AP3B1: variants seen among roughly 807,000 people sequenced by gnomAD.
AP3B1 encodes AP-3 complex subunit beta-1.
AP3B1 carries 61 observed loss-of-function variants against 132.5 expected under a neutral mutation model. The observed-to-expected ratio is 0.46, with a 90% CI of 0.37 to 0.57. The LOEUF is 0.57. Ranked by LOEUF, AP3B1 falls within the 20% of genes least tolerant of loss-of-function variation. AP3B1 has a pLI of 0.00. For missense variants in AP3B1, 1,120 were observed against 1,289.4 expected (o/e 0.87, Z 2.01); for synonymous variants, 388 against 438.3 (o/e 0.89, Z 1.43).
In AP3B1 at chr5:78,063,890, T is replaced by C. The variant is rs140244937; in HGVS notation, c.2578-24616A>G. On this transcript the variant is annotated intron_variant, in intron 22 of 26. Transcript: ENST00000255194. ...AATTTTTTTTAAAAATGATAAAATA[T>C]GTAAACATAATAAAGTTGAAAATGA... Among the ~76,000 whole-genome samples the C allele has an allele frequency of 4.6e-5, 7 of 152,166 alleles. No homozygotes were observed. In the East Asian group the frequency reaches 1.2e-3, roughly 25 times the overall value.
chr5:78,250,378 C>T (rs549134732), intron 2 of AP3B1, among the ~76,000 whole-genome samples: 11 of 152,250 alleles, frequency 7.2e-5, no homozygotes, highest in African/African-American at 2.6e-4. Context: ...GGGAAGAGTG[C>T]TCTCAGGCTC....
chr5:78,122,355 G>C (rs191386974), intron 17 of AP3B1, among the ~76,000 whole-genome samples: 1 of 152,324 alleles, frequency 6.6e-6, no homozygotes, highest in East Asian at 1.9e-4. Context: ...AGGGCAGTTA[G>C]GCAGGAGAAG....
At chr5:78,038,988 G>T in intron 23 of AP3B1, 55 bp downstream of exon 23, 2 of 1,071,188 alleles carry the variant, frequency 1.9e-6, no homozygotes, top group South Asian at 1.4e-5. Flanking sequence ...CTTTTAAAAT[G>T]AACATATTTA....
At chr5:78,278,625 A>AAG (rs1561217252) in intron 1 of AP3B1, among the ~76,000 whole-genome samples, 4 of 52,242 alleles carry the variant, frequency 7.7e-5, no homozygotes, top group African/African-American at 1.8e-4. Flanking sequence ...AAAAAAAAAA[A>AAG]GGGGGGGGGG....
intron 17 of AP3B1, among the ~76,000 whole-genome samples, chr5:78,124,655 A>C (rs1205109381): frequency 6.6e-6 from 1 of 152,218 alleles, no homozygotes; most frequent in Non-Finnish European, 1.5e-5. Context: ...GAGAAGCTTG[A>C]ATATATTTGA....
intron 1 of AP3B1, among the ~76,000 whole-genome samples, chr5:78,289,721 C>T (rs1749430435): frequency 6.6e-6 from 1 of 152,074 alleles, no homozygotes; most frequent in Non-Finnish European, 1.5e-5. Flanking sequence ...CCCTTCTGAG[C>T]TCAGTCTCTT....
intron 24 of AP3B1, among the ~76,000 whole-genome samples, chr5:78,023,496 C>A (rs1415052593): frequency 1.3e-5 from 2 of 151,630 alleles, no homozygotes; most frequent in Admixed American, 1.3e-4. Context: ...GGAGAGAGGA[C>A]AGGGCAGTAT....
intron 19 of AP3B1, among the ~76,000 whole-genome samples, chr5:78,112,920 A>G (rs773114285): frequency 2.1e-4 from 32 of 152,238 alleles, no homozygotes; most frequent in Non-Finnish European, 3.4e-4. Flanking sequence ...TGAACAGGAA[A>G]AACAATATAA....
chr5:78,175,095 G>A (rs753843301), intron 11 of AP3B1, among the ~76,000 whole-genome samples: 5 of 151,980 alleles, frequency 3.3e-5, no homozygotes, highest in Non-Finnish European at 7.3e-5. Context: ...TTTTGGGTGA[G>A]AGTGTCCCGT....
intron 11 of AP3B1, among the ~76,000 whole-genome samples, chr5:78,171,400 T>A (rs1743909532): frequency 6.6e-6 from 1 of 152,178 alleles, no homozygotes; most frequent in Admixed American, 6.5e-5. Context: ...TGTGTCCTTT[T>A]TTTATTTCAC....
intron 1 of AP3B1, among the ~76,000 whole-genome samples, chr5:78,294,160 A>G (rs1438524952): frequency 6.6e-6 from 1 of 152,028 alleles, no homozygotes; most frequent in East Asian, 1.9e-4. Context: ...AGCCCAGCCC[A>G]AGTCCAATTC....
At chr5:78,169,388 C>T (rs965323906) in intron 11 of AP3B1, among the ~76,000 whole-genome samples, 10 of 152,216 alleles carry the variant, frequency 6.6e-5, no homozygotes, top group Non-Finnish European at 1.3e-4. Flanking sequence ...CTCCACCTTT[C>T]TGTTCTTCAC....
At chr5:78,127,452 A>T (rs1752509670) in intron 17 of AP3B1, among the ~76,000 whole-genome samples, 1 of 152,032 alleles carries the variant, frequency 6.6e-6, no homozygotes, top group Non-Finnish European at 1.5e-5. Context: ...AATGGCCAGC[A>T]TTTTTTTTAA....
intron 22 of AP3B1, among the ~76,000 whole-genome samples, chr5:78,053,919 A>C (rs1318174081): frequency 6.6e-6 from 1 of 152,150 alleles, no homozygotes; most frequent in Non-Finnish European, 1.5e-5. Context: ...TGTGGTGGGA[A>C]ACACAGGGCT....
chr5:78,165,597 A>G lies in AP3B1; in HGVS notation c.1230+13T>C, dbSNP rs756083585. 1.3e-6 allele frequency: 2 copies of G among 1,588,228 alleles called. No homozygotes were observed. The highest frequency in any genetic ancestry group is 3.4e-5 in the Admixed American group (2 of 59,638). Reference sequence around the variant, plus strand: ...GTTTTAGAAGTTTTTTATAATTAGCACTGTACACAAACCTGAAATTCTCGA... The same window carrying G: ...GTTTTAGAAGTTTTTTATAATTAGCGCTGTACACAAACCTGAAATTCTCGA... On this transcript the variant is annotated intron_variant, in intron 12 of 26. Coordinates refer to ENST00000255194, the MANE Select transcript of AP3B1 (RefSeq NM_003664.5).
chr5:78,124,733 A>T (rs528980521), intron 17 of AP3B1, among the ~76,000 whole-genome samples: 1 of 152,334 alleles, frequency 6.6e-6, no homozygotes, highest in African/African-American at 2.4e-5. Flanking sequence ...TTCTGTCTAC[A>T]AAGATAGTAT....
chr5:78,138,286 T>C (rs1173209010), intron 15 of AP3B1, among the ~76,000 whole-genome samples: 1 of 151,864 alleles, frequency 6.6e-6, no homozygotes, highest in African/African-American at 2.4e-5. Context: ...GCCAACATGG[T>C]GAAACCCCAT....
At chr5:78,172,102 G>C (rs749514052) in intron 11 of AP3B1, among the ~76,000 whole-genome samples, 1 of 152,202 alleles carries the variant, frequency 6.6e-6, no homozygotes, top group African/African-American at 2.4e-5. Context: ...CTTGACTGTG[G>C]TGGATAAGCT....
At chr5:78,123,783 A>C (rs1256814924) in intron 17 of AP3B1, among the ~76,000 whole-genome samples, 5 of 151,720 alleles carry the variant, frequency 3.3e-5, no homozygotes, top group Non-Finnish European at 1.5e-5. Context: ...TGTGGAAGTC[A>C]GTGTGGCGAT....
Sources: gnomAD v4.1 joint callset for allele counts (sites outside exome capture counted in the v4.1 genomes callset) on GRCh38, gnomAD v4.1.1 for gene constraint, MANE v1.5 for transcripts, NCBI Gene and HGNC (gene_info 2026-07-23, HGNC 2026-07-21) for gene names.